The following EXOC6B variants were observed in gnomAD, a reference collection of about 807,000 sequenced individuals.
EXOC6B encodes SEC15 homolog B.
Under a neutral mutation model 113.5 loss-of-function variants are expected in EXOC6B, and 54 were observed. The ratio of observed to expected loss-of-function variants is 0.48; its 90% CI spans 0.38 to 0.60. The LOEUF (loss-of-function observed/expected upper bound fraction) is 0.60, where lower values mean the gene tolerates loss of function less well. EXOC6B is among the 20% of genes least tolerant of loss of function. EXOC6B has a pLI of 0.00. For synonymous variants in EXOC6B, 357 were observed against 339.0 expected, an observed-to-expected ratio of 1.05 and a Z score of -0.58; for missense variants, 797 against 977.5, an observed-to-expected ratio of 0.82 and a Z score of 2.46.
At chr2:72,542,528 T>G (rs1573359461) in intron 8 of EXOC6B, among the ~76,000 whole-genome samples, 1 of 152,332 alleles carries the variant, frequency 6.6e-6, no homozygotes, top group East Asian at 1.9e-4. Context: ...ACTTTCACAA[T>G]TTAAAATAAA....
chr2:72,378,094 A>G (rs553955249), intron 19 of EXOC6B, among the ~76,000 whole-genome samples: 11 of 152,282 alleles, frequency 7.2e-5, no homozygotes, highest in African/African-American at 2.4e-4. Context: ...CAGAATTCCA[A>G]TGTTTCCATG....
chr2:72,790,566 T>C (rs573121291), intron 1 of EXOC6B, among the ~76,000 whole-genome samples: 2 of 152,266 alleles, frequency 1.3e-5, no homozygotes, highest in South Asian at 2.1e-4. Flanking sequence ...TAAAGTTAAA[T>C]ATAAACAAAT....
chr2:72,679,577 G>C (rs1047073960), intron 6 of EXOC6B, among the ~76,000 whole-genome samples: 28 of 152,156 alleles, frequency 1.8e-4, no homozygotes, highest in African/African-American at 6.8e-4. Context: ...TAACATTTCT[G>C]ATTTAAAAAC....
intron 1 of EXOC6B, among the ~76,000 whole-genome samples, chr2:72,750,552 T>C (rs555498120): frequency 1.8e-3 from 272 of 152,154 alleles, no homozygotes; most frequent in Non-Finnish European, 3.2e-3. Flanking sequence ...AATACATCAT[T>C]AGTAAAAGAT....
chr2:72,418,863 A>T (rs2105252277), intron 18 of EXOC6B, among the ~76,000 whole-genome samples: 1 of 152,278 alleles, frequency 6.6e-6, no homozygotes, highest in Middle Eastern at 3.4e-3. Context: ...ACTTCTCCAG[A>T]AGCCTTACGA....
At chr2:72,671,781 AAG>A (rs1251941364) in intron 6 of EXOC6B, among the ~76,000 whole-genome samples, 10 of 124,066 alleles carry the variant, frequency 8.1e-5, no homozygotes, top group East Asian at 4.0e-4. Flanking sequence ...GAAAGAAAGA[AAG>A]AAAGAAAGAA....
At chr2:72,511,943 A>C (rs376180354) in intron 11 of EXOC6B, among the ~76,000 whole-genome samples, 91 of 152,178 alleles carry the variant, frequency 6.0e-4, no homozygotes, top group African/African-American at 2.0e-3. Context: ...CAGTCACTTA[A>C]AGAAATTGTT....
chr2:72,269,689 C>T (rs1684361589), intron 20 of EXOC6B, among the ~76,000 whole-genome samples: 1 of 152,108 alleles, frequency 6.6e-6, no homozygotes, highest in Non-Finnish European at 1.5e-5. Flanking sequence ...GGTTCAACTC[C>T]TGGTTCAGCC....
intron 6 of EXOC6B, among the ~76,000 whole-genome samples, chr2:72,626,016 G>A (rs1180259792): frequency 6.6e-6 from 1 of 152,010 alleles, no homozygotes; most frequent in Non-Finnish European, 1.5e-5. Flanking sequence ...GAATTTAACA[G>A]CAGCCCTTCC....
intron 6 of EXOC6B, among the ~76,000 whole-genome samples, chr2:72,641,802 C>T (rs574632555): frequency 6.6e-6 from 1 of 152,340 alleles, no homozygotes; most frequent in South Asian, 2.1e-4. Flanking sequence ...TGGGAGACAC[C>T]TCCCAGTAGC....
At chr2:72,745,073 A>G (rs968467020) in intron 1 of EXOC6B, among the ~76,000 whole-genome samples, 3 of 152,222 alleles carry the variant, frequency 2.0e-5, no homozygotes, top group Admixed American at 6.5e-5. Flanking sequence ...AGCTTTAAGT[A>G]TCTACAGTTC....
intron 1 of EXOC6B, among the ~76,000 whole-genome samples, chr2:72,814,019 A>C (rs1399944851): frequency 6.6e-6 from 1 of 152,146 alleles, no homozygotes; most frequent in Non-Finnish European, 1.5e-5. Context: ...ACAAGAAGAA[A>C]GAGACTTGGC....
intron 6 of EXOC6B, among the ~76,000 whole-genome samples, chr2:72,608,225 G>A (rs1346193015): frequency 1.3e-5 from 2 of 152,062 alleles, no homozygotes; most frequent in East Asian, 3.9e-4. Context: ...ATTTGGAAAA[G>A]CCGTAAGAAG....
intron 20 of EXOC6B, among the ~76,000 whole-genome samples, chr2:72,268,699 T>C (rs1366883151): frequency 6.6e-6 from 1 of 152,170 alleles, no homozygotes; most frequent in East Asian, 1.9e-4. Context: ...GGGGCTGTCC[T>C]TGAGGATAAT....
intron 20 of EXOC6B, among the ~76,000 whole-genome samples, chr2:72,251,122 C>T (rs749424136): frequency 1.4e-4 from 16 of 118,440 alleles, no homozygotes; most frequent in Non-Finnish European, 3.3e-4. Flanking sequence ...GGCAATGTCT[C>T]CATAGTTGCC....
chr2:72,243,414 TA>T (rs571372133), intron 20 of EXOC6B, among the ~76,000 whole-genome samples: 186 of 152,148 alleles, frequency 1.2e-3, no homozygotes, highest in African/African-American at 4.2e-3. Flanking sequence ...TATGCAGCCA[TA>T]AAAAAGGATG....
intron 18 of EXOC6B, among the ~76,000 whole-genome samples, chr2:72,395,746 GT>G (rs746148808): frequency 5.9e-5 from 9 of 152,122 alleles, no homozygotes; most frequent in Non-Finnish European, 1.0e-4. Context: ...CTTTGGGACA[GT>G]TATTTAATCT....
chr2:72,772,554 G>A, intron 1 of EXOC6B, among the ~76,000 whole-genome samples: 1 of 152,150 alleles, frequency 6.6e-6, no homozygotes, highest in East Asian at 1.9e-4. Flanking sequence ...AGACCCCATT[G>A]CCAGCCCAAC....
intron 18 of EXOC6B, among the ~76,000 whole-genome samples, chr2:72,460,217 A>T (rs1697531764): frequency 6.6e-6 from 1 of 152,150 alleles, no homozygotes. Flanking sequence ...AAGATGGATT[A>T]AAGACTTAAA....
Sources: gnomAD v4.1 joint callset for allele counts (sites outside exome capture counted in the v4.1 genomes callset) on GRCh38, gnomAD v4.1.1 for gene constraint, MANE v1.5 for transcripts, NCBI Gene and HGNC (gene_info 2026-07-23, HGNC 2026-07-21) for gene names.